COX10: variants seen among roughly 807,000 people sequenced by gnomAD.
The protein encoded by COX10 is protoheme IX farnesyltransferase, mitochondrial.
A neutral mutation model predicts 37.3 loss-of-function variants in COX10; 27 were observed. The ratio of observed to expected loss-of-function variants is 0.72; its 90% confidence interval spans 0.53 to 1.00. The LOEUF is 1.00. Among genes scored for constraint, COX10 ranks in the 50% least tolerant of loss-of-function variants. The pLI is 0.00. For missense variants in COX10, 475 were observed against 563.2 expected, an observed-to-expected ratio of 0.84 and a Z score of 1.59; for synonymous variants, 222 against 229.1, an observed-to-expected ratio of 0.97 and a Z score of 0.28.
At chr17:14,141,038 T>C (rs1904526645) in intron 4 of COX10, among the ~76,000 whole-genome samples, 1 of 152,030 alleles carries the variant, frequency 6.6e-6, no homozygotes, top group African/African-American at 2.4e-5. Context: ...GGATATCGTC[T>C]AGGATTTTTT....
At chr17:14,166,715 G>A (rs1377951314) in intron 5 of COX10, among the ~76,000 whole-genome samples, 5 of 148,056 alleles carry the variant, frequency 3.4e-5, no homozygotes, top group African/African-American at 1.0e-4. Flanking sequence ...GGGTTCAAGC[G>A]ATTCTCCTGC....
chr17:14,080,467 C>G (rs1325515019), intron 3 of COX10, among the ~76,000 whole-genome samples: 2 of 152,148 alleles, frequency 1.3e-5, no homozygotes, highest in Non-Finnish European at 2.9e-5. Flanking sequence ...CCCGCCTCGG[C>G]CTCCCAAAGT....
At chr17:14,088,280 A>G (rs997633191) in intron 3 of COX10, among the ~76,000 whole-genome samples, 4 of 152,158 alleles carry the variant, frequency 2.6e-5, no homozygotes, top group Non-Finnish European at 5.9e-5. Context: ...CATCTGTGCT[A>G]TATTTAACAA....
At chr17:14,173,086 A>G (rs1431279520) in intron 5 of COX10, among the ~76,000 whole-genome samples, 1 of 152,194 alleles carries the variant, frequency 6.6e-6, no homozygotes. Flanking sequence ...AATTCCTTGT[A>G]CATTCTGGGT....
At chr17:14,095,428 A>C (rs1915626249) in intron 3 of COX10, among the ~76,000 whole-genome samples, 2 of 152,146 alleles carry the variant, frequency 1.3e-5, no homozygotes, top group Non-Finnish European at 2.9e-5. Flanking sequence ...GCCCTGCAGT[A>C]ACCTTTAAGT....
chr17:14,158,711 C>A (rs971466314), intron 4 of COX10, among the ~76,000 whole-genome samples: 1 of 152,084 alleles, frequency 6.6e-6, no homozygotes, highest in African/African-American at 2.4e-5. Flanking sequence ...TTGGTTTCTT[C>A]ACTTTGGGAT....
At chr17:14,191,902 T>A (rs1906212112) in intron 5 of COX10, 87 bp from the exon 6 acceptor site, 3 of 1,434,844 alleles carry the variant, frequency 2.1e-6, no homozygotes, top group South Asian at 1.2e-5. Flanking sequence ...ATAGGTGGAT[T>A]ATTTGTACTT....
intron 5 of COX10, among the ~76,000 whole-genome samples, chr17:14,166,173 C>T (rs1021517975): frequency 6.6e-6 from 1 of 152,196 alleles, no homozygotes; most frequent in African/African-American, 2.4e-5. Context: ...ATAGACGAGA[C>T]AACCCTCTAT....
At chr17:14,162,135 G>A (rs1905183457) in intron 5 of COX10, among the ~76,000 whole-genome samples, 1 of 152,098 alleles carries the variant, frequency 6.6e-6, no homozygotes, top group African/African-American at 2.4e-5. Flanking sequence ...AATTATTATT[G>A]GTGCTTTGAA....
At chr17:14,091,574 A>C (rs1018848529) in intron 3 of COX10, among the ~76,000 whole-genome samples, 2 of 152,212 alleles carry the variant, frequency 1.3e-5, no homozygotes, top group African/African-American at 4.8e-5. Flanking sequence ...GTATGCAGTT[A>C]GGTCCAGATG....
chr17:14,106,021 G>T (rs976155681), intron 4 of COX10, among the ~76,000 whole-genome samples: 1 of 151,036 alleles, frequency 6.6e-6, no homozygotes, highest in African/African-American at 2.4e-5. Flanking sequence ...TTTTGTTTTT[G>T]TTTTTTTTTG....
chr17:14,112,088 G>A (rs913634951), intron 4 of COX10, among the ~76,000 whole-genome samples: 3 of 152,120 alleles, frequency 2.0e-5, no homozygotes, highest in Admixed American at 1.3e-4. Context: ...AAAGTGTAAT[G>A]TATTTTTTCC....
intron 6 of COX10, among the ~76,000 whole-genome samples, chr17:14,202,084 A>ATCTC (rs58971576): frequency 7.4e-6 from 1 of 135,328 alleles, no homozygotes; most frequent in Non-Finnish European, 1.7e-5. Flanking sequence ...ATTAAAACAG[A>ATCTC]TCTCTCTCTT....
chr17:14,105,329 A>G (rs1915867336), intron 4 of COX10, among the ~76,000 whole-genome samples: 1 of 152,166 alleles, frequency 6.6e-6, no homozygotes, highest in Admixed American at 6.5e-5. Flanking sequence ...TGCTTCTATA[A>G]GTAACACTGC....
At chr17:14,142,413 C>T (rs912980796) in intron 4 of COX10, among the ~76,000 whole-genome samples, 26 of 152,096 alleles carry the variant, frequency 1.7e-4, no homozygotes, top group African/African-American at 5.8e-4. Flanking sequence ...TGACCAAATG[C>T]CATTTATCTA....
intron 4 of COX10, among the ~76,000 whole-genome samples, chr17:14,119,142 G>T (rs1172482611): frequency 6.6e-6 from 1 of 152,034 alleles, no homozygotes; most frequent in Non-Finnish European, 1.5e-5. Context: ...TTGCTCATAT[G>T]CAGAGTGTGT....
intron 4 of COX10, among the ~76,000 whole-genome samples, chr17:14,129,141 C>T (rs911733428): frequency 2.7e-5 from 4 of 147,394 alleles, no homozygotes; most frequent in South Asian, 4.2e-4. Context: ...CCACTGTGCC[C>T]GGCCTATTTT....
intron 3 of COX10, among the ~76,000 whole-genome samples, chr17:14,096,457 C>T (rs907578038): frequency 7.1e-6 from 1 of 140,238 alleles, no homozygotes; most frequent in Non-Finnish European, 1.5e-5. Context: ...TCACTGCAGC[C>T]TTGAACTCCC....
intron 4 of COX10, among the ~76,000 whole-genome samples, chr17:14,125,535 A>T (rs1916324481): frequency 6.6e-6 from 1 of 152,194 alleles, no homozygotes; most frequent in South Asian, 2.1e-4. Flanking sequence ...TGGGAGGCAA[A>T]TACATTTGAG....
Sources: allele counts gnomAD v4.1 joint callset (sites outside exome capture counted in the v4.1 genomes callset), GRCh38; gene constraint gnomAD v4.1.1; transcripts MANE v1.5; gene names NCBI Gene and HGNC (gene_info 2026-07-23, HGNC 2026-07-21).